COPS9: variants seen among roughly 807,000 people sequenced by gnomAD.
COPS9 encodes the protein COP9 signalosome subunit 9.
In COPS9, 8 loss-of-function variants were observed where a neutral mutation model predicts 7.2. The observed-to-expected ratio is 1.11, with a 90% CI of 0.65 to 2.00. COPS9 has a LOEUF of 2.00. Ranked by LOEUF, COPS9 falls within the 30% of genes most tolerant of loss-of-function variation. The pLI is 0.00. For synonymous variants in COPS9, 39 were observed against 28.7 expected (o/e 1.36, Z -1.14); for missense variants, 74 against 77.7 (o/e 0.95, Z 0.18).
chr2:240,133,912 T>A (rs780852008), intron 2 of COPS9, 21 bp downstream of exon 2: 2 of 1,611,666 alleles, frequency 1.2e-6, no homozygotes, highest in South Asian at 2.2e-5. Flanking sequence ...AAATCTGGCA[T>A]CCCATTCCAA....
At chr2:240,126,593 C>T (rs567047612), downstream of COPS9, 3 of 1,614,144 alleles carry the variant, frequency 1.9e-6, no homozygotes, top group Admixed American at 1.7e-5. Context: ...GCTGTGTGGT[C>T]TTCTTCCCTT....
downstream of COPS9, chr2:240,130,725 C>T (rs1457276502): frequency 5.7e-6 from 6 of 1,057,298 alleles, no homozygotes; most frequent in Non-Finnish European, 3.6e-6. Flanking sequence ...GTTCTCTCAG[C>T]GTGCTGACAG....
In COPS9 at chr2:240,136,287, C is replaced by CG. The variant is rs753410654; in HGVS notation, c.-4dup. 191 of 1,563,858 alleles carry CG rather than the reference C, an allele frequency of 1.2e-4. No individual in the cohort carries two copies. Among genetic ancestry groups the CG allele is most frequent in the South Asian group, 5.0e-4 (42 of 84,838 alleles). ...ATCTCGTCCACCGCCGGCTTCATCT[C>CG]GGGGCCGCGGCGCTCTAGGCTCACT... On this transcript the variant is annotated 5_prime_UTR_variant, in exon 1 of 3. Transcript: ENST00000607357.
downstream of COPS9, chr2:240,129,831 G>A: frequency 7.8e-7 from 1 of 1,278,036 alleles, no homozygotes. Context: ...CTGCAGATAA[G>A]CCACGTGGGT....
rs552481642 is a variant in COPS9 at position 240,134,143 on chromosome 2, G to T, written c.64-138C>A. ...GGCTCAAGTTGGAGTCAACATTTTA[G>T]TTCCAGACACAGGAATGTGTATTGG... On this transcript the variant is annotated intron_variant, in intron 1 of 2. Transcript: ENST00000607357. 5.0e-5 allele frequency: 36 copies of T among 725,552 alleles called. No homozygotes were observed. In the South Asian group the frequency reaches 5.6e-4, roughly 11 times the overall value. The allele number at this position is 725,552 out of a possible 1,614,324, so 44.9% of individuals were successfully genotyped here. A position where few individuals can be genotyped will look rare whatever the true frequency, so the allele number is the denominator to read the frequency against.
At chr2:240,134,233 C>T (rs1165412821) in intron 1 of COPS9, 1 of 518,002 alleles carries the variant, frequency 1.9e-6, no homozygotes, top group African/African-American at 1.9e-5. Context: ...TTCCTTGATT[C>T]CTGTCTGCCT....
chr2:240,127,902 C>G (rs973172351), downstream of COPS9, among the ~76,000 whole-genome samples: 4 of 152,112 alleles, frequency 2.6e-5, no homozygotes, highest in African/African-American at 9.7e-5. Flanking sequence ...TTCACTGCCC[C>G]CCAAGTGACA....
chr2:240,127,802 A>T (rs1378664788), downstream of COPS9, among the ~76,000 whole-genome samples: 1 of 152,100 alleles, frequency 6.6e-6, no homozygotes, highest in Non-Finnish European at 1.5e-5. Flanking sequence ...CACTTAAGAA[A>T]TGCCTGCTGA....
rs2151711814 is a variant in COPS9 at position 240,133,952 on chromosome 2, A to C, written c.117T>G (p.Val39=). 6.2e-7 allele frequency: 1 copy of C among 1,614,160 alleles called. No homozygotes were observed. Among genetic ancestry groups the C allele is most frequent in the East Asian group, 2.2e-5 (1 of 44,882 alleles). ...LMDLAANEKA[V]HADFFNDFED... ...CCTTACCGTTAAAAAAGTCTGCATG[A>C]ACGGCCTTTTCATTGGCTGCCAAGT... Residue 39 remains valine, a synonymous_variant, in exon 2 of 3, where the codon GTT becomes GTG. Coordinates refer to ENST00000607357, the MANE Select transcript of COPS9 (RefSeq NM_001163424.2).
chr2:240,136,148 G>A (rs2071988632), intron 1 of COPS9, 74 bp downstream of exon 1: 4 of 1,315,774 alleles, frequency 3.0e-6, no homozygotes, highest in Non-Finnish European at 2.9e-6. Context: ...CGGGACCCGC[G>A]CACCAGGACG....
rs570317483 is a variant in COPS9 at position 240,132,830 on chromosome 2, T to C, written c.136+1103A>G. ...AGAGCGCTCTGCAGCTTTGTACAAT[T>C]TGTTCCCTCTGAAGGCAACACCCTT... On this transcript the variant is annotated intron_variant, in intron 2 of 2. Coordinates refer to ENST00000607357, the MANE Select transcript of COPS9 (RefSeq NM_001163424.2). The surrounding 1 kb of genome is among the most constrained non-coding windows in gnomAD (Gnocchi z 4.1). Among the ~76,000 whole-genome samples the C allele has an allele frequency of 2.0e-5, 3 of 152,346 alleles. No homozygotes were observed. Among genetic ancestry groups the C allele is most frequent in the Non-Finnish European group, 4.4e-5 (3 of 68,036 alleles).
At chr2:240,135,423 C>T (rs77412399) in intron 1 of COPS9, among the ~76,000 whole-genome samples, 2,981 of 152,272 alleles carry the variant, frequency 0.02, 82 homozygotes, top group African/African-American at 0.067. Flanking sequence ...ATGCTATTAC[C>T]TCCACAAGCA....
At chr2:240,134,385 C>G (rs2071953274) in intron 1 of COPS9, 1 of 187,916 alleles carries the variant, frequency 5.3e-6, no homozygotes. Context: ...GGATCCCTTC[C>G]CTCTCTCTTC....
downstream of COPS9, among the ~76,000 whole-genome samples, chr2:240,128,445 G>A (rs1266047298): frequency 6.6e-6 from 1 of 152,106 alleles, no homozygotes; most frequent in Non-Finnish European, 1.5e-5. Context: ...TCTTCTCCAG[G>A]ACCCCAGAAG....
chr2:240,131,143 A>C, intron 2 of COPS9, 55 bp from the exon 3 acceptor site: 1 of 1,568,144 alleles, frequency 6.4e-7, no homozygotes, highest in Non-Finnish European at 8.7e-7. Flanking sequence ...GGGCTGAAGA[A>C]ATCACTTCAG....
chr2:240,131,812 T>A (rs1574947485), intron 2 of COPS9, among the ~76,000 whole-genome samples: 1 of 152,168 alleles, frequency 6.6e-6, no homozygotes, highest in South Asian at 2.1e-4. Flanking sequence ...CCACATGTAC[T>A]GCGCACTGAA....
chr2:240,131,428 C>G (rs554459093), intron 2 of COPS9, among the ~76,000 whole-genome samples: 1 of 152,342 alleles, frequency 6.6e-6, no homozygotes, highest in Admixed American at 6.5e-5. Flanking sequence ...CACGAGTGCA[C>G]GGGCACCCAA....
chr2:240,136,114 C>T, intron 1 of COPS9, 108 bp downstream of exon 1: 1 of 1,327,026 alleles, frequency 7.5e-7, no homozygotes, highest in East Asian at 3.1e-5. Context: ...GCGCCCATCG[C>T]CCACCCGCCC....
chr2:240,129,019 G>A (rs1197982811), downstream of COPS9, among the ~76,000 whole-genome samples: 1 of 152,228 alleles, frequency 6.6e-6, no homozygotes, highest in African/African-American at 2.4e-5. Context: ...GGGGCTCACA[G>A]GCCTTGGTCT....
Sources: allele counts gnomAD v4.1 joint callset (sites outside exome capture counted in the v4.1 genomes callset), GRCh38; gene constraint gnomAD v4.1.1; non-coding constraint Gnocchi (gnomAD v3.1); transcripts MANE v1.5; gene names NCBI Gene and HGNC (gene_info 2026-07-23, HGNC 2026-07-21).